TMEM135: variants seen among roughly 807,000 people sequenced by gnomAD.
TMEM135 encodes the protein peroxisomal membrane protein 52.
TMEM135 carries 30 observed loss-of-function variants against 60.3 expected under a neutral mutation model. That is an observed-to-expected ratio of 0.50 (90% CI 0.37 to 0.68). The LOEUF (loss-of-function observed/expected upper bound fraction) is 0.68, where lower values mean the gene tolerates loss of function less well. Ranked by LOEUF, TMEM135 falls within the 30% of genes least tolerant of loss-of-function variation. The pLI, the probability that TMEM135 is intolerant of heterozygous loss-of-function variation, is 0.00. For synonymous variants in TMEM135, 190 were observed against 186.7 expected (o/e 1.02, Z -0.14); for missense variants, 468 against 548.8 (o/e 0.85, Z 1.47).
intron 1 of TMEM135, among the ~76,000 whole-genome samples, chr11:87,066,473 C>A (rs1343044457): frequency 6.6e-6 from 1 of 151,784 alleles, no homozygotes; most frequent in Non-Finnish European, 1.5e-5. Context: ...TGCTTTATTT[C>A]CTGGAACGTT....
intron 5 of TMEM135, among the ~76,000 whole-genome samples, chr11:87,195,547 C>T (rs1015763301): frequency 6.6e-6 from 1 of 152,006 alleles, no homozygotes; most frequent in Non-Finnish European, 1.5e-5. Flanking sequence ...CTGCCTCAGC[C>T]AGTCGAGTAG....
intron 5 of TMEM135, among the ~76,000 whole-genome samples, chr11:87,194,521 A>G (rs1308836322): frequency 6.6e-6 from 1 of 152,160 alleles, no homozygotes; most frequent in African/African-American, 2.4e-5. Flanking sequence ...TTAAAGAATA[A>G]TAATACCTGT....
intron 1 of TMEM135, among the ~76,000 whole-genome samples, chr11:87,047,357 G>C (rs563484706): frequency 6.6e-6 from 1 of 151,976 alleles, no homozygotes; most frequent in African/African-American, 2.4e-5. Flanking sequence ...AGCTCCCAGC[G>C]TGAGCGACGC....
chr11:87,145,972 C>G (rs1202102810), intron 4 of TMEM135, among the ~76,000 whole-genome samples: 1 of 152,076 alleles, frequency 6.6e-6, no homozygotes, highest in East Asian at 1.9e-4. Context: ...GTTGCCTGCA[C>G]CTTTGGGATC....
In TMEM135 at chr11:87,039,740, G is replaced by C. The variant is rs1278577836; in HGVS notation, c.141+1554G>C. Among the ~76,000 whole-genome samples the C allele has an allele frequency of 3.9e-5, 6 of 152,280 alleles. No individual in the cohort carries two copies. In the East Asian group the frequency reaches 7.7e-4, roughly 20 times the overall value. On this transcript the variant is annotated intron_variant, in intron 1 of 14. Transcript: ENST00000305494. Reference sequence around the variant, plus strand: ...AGAAAAGATTGTTCCTGCTGTGAGAGGATTATGATATAGGTGGAAAGAGAG... The same window carrying C: ...AGAAAAGATTGTTCCTGCTGTGAGACGATTATGATATAGGTGGAAAGAGAG...
chr11:87,134,321 T>C (rs546397215), intron 4 of TMEM135, among the ~76,000 whole-genome samples: 1 of 152,352 alleles, frequency 6.6e-6, no homozygotes, highest in East Asian at 1.9e-4. Context: ...GAGCTCGTTT[T>C]AACTTAATTA....
At chr11:87,258,205 T>C (rs897119983) in intron 6 of TMEM135, among the ~76,000 whole-genome samples, 11 of 143,272 alleles carry the variant, frequency 7.7e-5, no homozygotes, top group African/African-American at 2.8e-4. Context: ...TTTTTTTTTT[T>C]CAGTTGGAAT....
At chr11:87,261,492 A>G (rs1355500560) in intron 6 of TMEM135, among the ~76,000 whole-genome samples, 1 of 152,218 alleles carries the variant, frequency 6.6e-6, no homozygotes, top group Non-Finnish European at 1.5e-5. Flanking sequence ...TGTATAAATA[A>G]TACAGTTTCA....
intron 5 of TMEM135, among the ~76,000 whole-genome samples, chr11:87,163,119 GCTGGTGCACTGCACCCACTAA>G (rs1254988928): frequency 6.7e-6 from 1 of 148,842 alleles, no homozygotes; most frequent in Non-Finnish European, 1.5e-5. Context: ...CATGTGCCAT[GCTGGTGCACTGCACCCACTAA>G]CTCCTCATCT....
intron 6 of TMEM135, among the ~76,000 whole-genome samples, chr11:87,265,352 T>C (rs1941727154): frequency 6.6e-6 from 1 of 151,982 alleles, no homozygotes; most frequent in South Asian, 2.1e-4. Flanking sequence ...TCAGACCAAG[T>C]TCCTGTCATC....
chr11:87,105,700 G>T (rs1357939110), intron 4 of TMEM135, among the ~76,000 whole-genome samples: 1 of 152,138 alleles, frequency 6.6e-6, no homozygotes, highest in Non-Finnish European at 1.5e-5. Context: ...TGTAATGTAG[G>T]ATATCCATCA....
At chr11:87,056,014 A>C (rs182362279) in intron 1 of TMEM135, among the ~76,000 whole-genome samples, 14 of 152,302 alleles carry the variant, frequency 9.2e-5, no homozygotes, top group Admixed American at 7.2e-4. Flanking sequence ...CAAAGTCAGA[A>C]GGGGAACGCG....
intron 6 of TMEM135, among the ~76,000 whole-genome samples, chr11:87,276,660 T>G (rs984195384): frequency 7.2e-6 from 1 of 138,774 alleles, no homozygotes; most frequent in Non-Finnish European, 1.6e-5. Context: ...TTAGTGTGTT[T>G]GTGAATTTTT....
chr11:87,123,988 T>G (rs1326225169), intron 4 of TMEM135, among the ~76,000 whole-genome samples: 1 of 152,214 alleles, frequency 6.6e-6, no homozygotes, highest in Non-Finnish European at 1.5e-5. Context: ...TGAAACTAAG[T>G]GATGATAATG....
chr11:87,170,803 C>T (rs528397473), intron 5 of TMEM135, among the ~76,000 whole-genome samples: 53 of 152,244 alleles, frequency 3.5e-4, no homozygotes, highest in Non-Finnish European at 2.2e-4. Context: ...TGTCCCTTAG[C>T]AGAGCTCCAG....
chr11:87,159,125 A>G (rs1938790602), intron 5 of TMEM135, among the ~76,000 whole-genome samples: 2 of 152,114 alleles, frequency 1.3e-5, no homozygotes, highest in African/African-American at 4.8e-5. Context: ...CTTTTGATCA[A>G]TTTTTCTACT....
At chr11:87,129,991 G>A (rs951368963) in intron 4 of TMEM135, among the ~76,000 whole-genome samples, 4 of 152,104 alleles carry the variant, frequency 2.6e-5, no homozygotes, top group African/African-American at 9.7e-5. Flanking sequence ...TGGGAATGCA[G>A]AGTGTATACT....
At position 87,318,254 on chromosome 11, in the gene TMEM135, AATGAGAAATTGAATGATTCC is replaced by A; in HGVS notation, c.1176+20_1176+39del. The A allele has an allele frequency of 6.5e-7, 1 of 1,530,340 alleles. No homozygotes were observed. Among genetic ancestry groups the A allele is most frequent in the East Asian group, 2.3e-5 (1 of 44,436 alleles). The allele number at this position is 1,530,340 out of a possible 1,614,324, so 94.8% of individuals were successfully genotyped here. Reference sequence around the variant, plus strand: ...CCAGGCAGTAAGTATAACTTTTTGAAATGAGAAATTGAATGATTCCTGTTTCTAATGTACGTTAATCAAAT... The same window carrying A: ...CCAGGCAGTAAGTATAACTTTTTGAATGTTTCTAATGTACGTTAATCAAAT... On this transcript the variant is annotated intron_variant, in intron 13 of 14. Coordinates refer to ENST00000305494, the MANE Select transcript of TMEM135 (RefSeq NM_022918.4).
chr11:87,181,757 A>G (rs967486639), intron 5 of TMEM135, among the ~76,000 whole-genome samples: 26 of 152,156 alleles, frequency 1.7e-4, no homozygotes, highest in African/African-American at 5.5e-4. Context: ...TTAAAAAGTA[A>G]TTCTTAAGAT....
Sources: gnomAD v4.1 joint callset for allele counts (sites outside exome capture counted in the v4.1 genomes callset) on GRCh38, gnomAD v4.1.1 for gene constraint, MANE v1.5 for transcripts, NCBI Gene and HGNC (gene_info 2026-07-23, HGNC 2026-07-21) for gene names.